PABPC4L: variants seen among roughly 807,000 people sequenced by gnomAD.
The protein encoded by PABPC4L is polyadenylate-binding protein 4-like.
For missense variants in PABPC4L, 452 were observed against 451.4 expected, an observed-to-expected ratio of 1.00 and a Z score of -0.01; for synonymous variants, 169 against 164.1, an observed-to-expected ratio of 1.03 and a Z score of -0.23.
chr4:134,154,386 G>A, the PABPC4L span, among the ~76,000 whole-genome samples: 1 of 151,948 alleles, frequency 6.6e-6, no homozygotes, highest in Non-Finnish European at 1.5e-5. Context: ...AACCCTGGAG[G>A]CAGGGGTTGC....
chr4:134,051,945 C>A, the PABPC4L span, among the ~76,000 whole-genome samples: 1 of 152,014 alleles, frequency 6.6e-6, no homozygotes, highest in Non-Finnish European at 1.5e-5. Flanking sequence ...TTAAATGGTA[C>A]TTGCTTTTCT....
At chr4:134,064,083 C>G in the PABPC4L span, among the ~76,000 whole-genome samples, 1 of 151,908 alleles carries the variant, frequency 6.6e-6, no homozygotes, top group Admixed American at 6.6e-5. Flanking sequence ...AAATAATGAA[C>G]ATGCAGAACT....
chr4:134,038,937 G>T, the PABPC4L span, among the ~76,000 whole-genome samples: 7 of 151,922 alleles, frequency 4.6e-5, no homozygotes, highest in Admixed American at 1.3e-4. Flanking sequence ...TTAGATCTTT[G>T]CTGCTTTCTC....
chr4:134,004,798 T>G, the PABPC4L span, among the ~76,000 whole-genome samples: 1 of 151,888 alleles, frequency 6.6e-6, no homozygotes, highest in South Asian at 2.1e-4. Context: ...GAAGGAAATC[T>G]TATTTCCAAC....
chr4:134,014,489 C>T, the PABPC4L span, among the ~76,000 whole-genome samples: 723 of 152,244 alleles, frequency 4.7e-3, 9 homozygotes, highest in African/African-American at 0.017. Context: ...ATGCCTGCAG[C>T]CCAGGATTCC....
chr4:134,117,003 GTTCT>G, the PABPC4L span, among the ~76,000 whole-genome samples: 2 of 151,354 alleles, frequency 1.3e-5, no homozygotes, highest in Non-Finnish European at 3.0e-5. Flanking sequence ...CTCTAGGTTT[GTTCT>G]TTCTTTCTTC....
At chr4:133,962,692 C>T in the PABPC4L span, among the ~76,000 whole-genome samples, 3 of 152,122 alleles carry the variant, frequency 2.0e-5, no homozygotes, top group Non-Finnish European at 4.4e-5. Flanking sequence ...GATTGGGGTC[C>T]TATCTTTAGC....
chr4:134,080,297 T>TCAC, the PABPC4L span, among the ~76,000 whole-genome samples: 2 of 152,162 alleles, frequency 1.3e-5, no homozygotes, highest in Non-Finnish European at 2.9e-5. Context: ...CATGAGCCTG[T>TCAC]CACCTCTCAG....
At chr4:133,955,812 C>A in the PABPC4L span, among the ~76,000 whole-genome samples, 2 of 152,098 alleles carry the variant, frequency 1.3e-5, no homozygotes, top group African/African-American at 2.4e-5. Flanking sequence ...ATTAATGCAC[C>A]ATTCACAATG....
the PABPC4L span, among the ~76,000 whole-genome samples, chr4:134,069,219 G>C: frequency 2.0e-5 from 3 of 152,138 alleles, no homozygotes; most frequent in South Asian, 6.2e-4. Flanking sequence ...TCCCTCTATA[G>C]GTAACATGCC....
the PABPC4L span, among the ~76,000 whole-genome samples, chr4:134,145,370 A>G: frequency 5.3e-5 from 8 of 152,004 alleles, no homozygotes; most frequent in African/African-American, 1.9e-4. Context: ...CTAGGCTAAC[A>G]TGAACAGTGA....
the PABPC4L span, among the ~76,000 whole-genome samples, chr4:134,073,339 T>A: frequency 2.0e-5 from 3 of 152,310 alleles, no homozygotes; most frequent in East Asian, 5.8e-4. Flanking sequence ...AATCTTAAAG[T>A]TCCAAAATGA....
the PABPC4L span, among the ~76,000 whole-genome samples, chr4:134,127,599 A>G: frequency 6.6e-6 from 1 of 152,050 alleles, no homozygotes; most frequent in Non-Finnish European, 1.5e-5. Context: ...CTAGGGAAAA[A>G]GGTAGAGGAC....
the PABPC4L span, among the ~76,000 whole-genome samples, chr4:134,006,893 C>T: frequency 6.8e-6 from 1 of 147,244 alleles, no homozygotes; most frequent in Non-Finnish European, 1.5e-5. Flanking sequence ...AAAGGCAAAG[C>T]AATGATGCAA....
the PABPC4L span, among the ~76,000 whole-genome samples, chr4:134,069,103 A>G: frequency 6.6e-6 from 1 of 152,106 alleles, no homozygotes; most frequent in African/African-American, 2.4e-5. Flanking sequence ...ATTTGGCTGT[A>G]TATTAAATTC....
chr4:133,983,896 G>T, the PABPC4L span, among the ~76,000 whole-genome samples: 4 of 151,576 alleles, frequency 2.6e-5, no homozygotes, highest in Non-Finnish European at 4.4e-5. Context: ...GGTGTTTTTG[G>T]AATACAAATA....
At chr4:133,998,148 C>G in the PABPC4L span, among the ~76,000 whole-genome samples, 10 of 151,578 alleles carry the variant, frequency 6.6e-5, no homozygotes, top group East Asian at 9.7e-4. Context: ...TTATTTGAAA[C>G]CTTTTCCTAT....
At chr4:134,087,277 G>T in the PABPC4L span, among the ~76,000 whole-genome samples, 1 of 152,162 alleles carries the variant, frequency 6.6e-6, no homozygotes. Flanking sequence ...CATGTCCTTT[G>T]TAGGGACATG....
downstream of PABPC4L, among the ~76,000 whole-genome samples, chr4:134,194,714 A>G (rs961766316): frequency 5.3e-5 from 8 of 151,792 alleles, no homozygotes; most frequent in African/African-American, 1.9e-4. Flanking sequence ...TCTATCTGTT[A>G]AAAGGTTAAA....
Sources: allele counts gnomAD v4.1 joint callset (sites outside exome capture counted in the v4.1 genomes callset), GRCh38; gene constraint gnomAD v4.1.1; transcripts MANE v1.5; gene names NCBI Gene and HGNC (gene_info 2026-07-23, HGNC 2026-07-21).